Variants in OSBPL2 observed in about 807,000 individuals in gnomAD.
OSBPL2 encodes oxysterol binding protein like 2.
In OSBPL2, 18 loss-of-function variants were observed where a neutral mutation model predicts 58.4. That is an observed-to-expected ratio of 0.31 (90% CI 0.21 to 0.46). The LOEUF (loss-of-function observed/expected upper bound fraction) is 0.46, where lower values mean the gene tolerates loss of function less well. Among genes scored for constraint, OSBPL2 ranks in the 20% least tolerant of loss-of-function variants. The probability of loss-of-function intolerance (pLI) is 1.00; values close to 1 mark genes in which losing one functional copy is unlikely to be tolerated. For synonymous variants in OSBPL2, 221 were observed against 234.1 expected, an observed-to-expected ratio of 0.94 and a Z score of 0.51; for missense variants, 461 against 616.5, an observed-to-expected ratio of 0.75 and a Z score of 2.67.
chr20:62,263,699 C>G lies in OSBPL2; in HGVS notation c.258+8C>G. The G allele has an allele frequency of 2.5e-6, 4 of 1,612,592 alleles. No homozygotes were observed. The highest frequency in any genetic ancestry group is 3.4e-6 in the Non-Finnish European group (4 of 1,178,700). On this transcript the variant is annotated splice_region_variant and intron_variant, in intron 4 of 13. Transcript: ENST00000313733. ...AAGAAGTGTGTTGGCCTGGTGAGTC[C>G]GGGGGCCCGTGTTCACACATGGGGC... is the stretch of plus-strand genomic sequence containing the variant.
intron 7 of OSBPL2, 50 bp downstream of exon 7, chr20:62,279,389 T>C: frequency 6.4e-7 from 1 of 1,568,066 alleles, no homozygotes; most frequent in Non-Finnish European, 8.7e-7. Flanking sequence ...GAAACTGAAA[T>C]GGGTGCTGGT....
chr20:62,250,568 A>C (rs1716352056), intron 1 of OSBPL2, among the ~76,000 whole-genome samples: 1 of 152,106 alleles, frequency 6.6e-6, no homozygotes, highest in Non-Finnish European at 1.5e-5. Context: ...ATTTCCCATA[A>C]GCTGTGATTG....
At position 62,293,002 on chromosome 20, in the gene OSBPL2, G is replaced by T. The variant is rs192091223; in HGVS notation, c.1341-783G>T. ...TCCTGCCTCAGCCTCCTGAGTAGCTGGGACTACAGGTGCCTGCCACCACGC... is the reference window on the plus strand; with the variant it reads ...TCCTGCCTCAGCCTCCTGAGTAGCTTGGACTACAGGTGCCTGCCACCACGC... On this transcript the variant is annotated intron_variant, in intron 13 of 13. Coordinates refer to ENST00000313733, the MANE Select transcript of OSBPL2 (RefSeq NM_144498.4). 4.3e-3 allele frequency among the ~76,000 whole-genome samples: 649 copies of T among 151,516 alleles called. 1 individual carries two copies. Among genetic ancestry groups the T allele is most frequent in the Admixed American group, 7.0e-3 (106 of 15,236 alleles).
intron 1 of OSBPL2, among the ~76,000 whole-genome samples, chr20:62,248,145 CTTTTCTTTTCTTTT>C (rs1980263772): frequency 8.7e-6 from 1 of 115,232 alleles, no homozygotes; most frequent in African/African-American, 3.3e-5. Flanking sequence ...TTTCTTTTTT[CTTTTCTTTTCTTTT>C]TTTTTTTTTT....
chr20:62,274,443 C>T (rs779001735), intron 6 of OSBPL2, among the ~76,000 whole-genome samples: 9 of 152,196 alleles, frequency 5.9e-5, no homozygotes, highest in Non-Finnish European at 1.0e-4. Context: ...CCCCGTCATT[C>T]TCTTGTAGAT....
At chr20:62,289,027 G>A (rs530100776) in intron 11 of OSBPL2, among the ~76,000 whole-genome samples, 180 bp from the exon 12 acceptor site, 1 of 152,180 alleles carries the variant, frequency 6.6e-6, no homozygotes, top group Admixed American at 6.5e-5. Flanking sequence ...TGCATGATAC[G>A]TGCTTAGTGA....
In OSBPL2 at chr20:62,293,773, T is replaced by C. The variant is rs762801749; in HGVS notation, c.1341-12T>C. 6.2e-6 allele frequency: 10 copies of C among 1,612,452 alleles called. No homozygotes were observed. In the South Asian group the frequency reaches 9.9e-5, roughly 16 times the overall value. On this transcript the variant is annotated splice_polypyrimidine_tract_variant and intron_variant, in intron 13 of 13. Transcript: ENST00000313733. ...TGAGCATCTTCTGACCCCCCTCCCT[T>C]GTATCCGGCAGGTGGTTCTACCCAG... is the stretch of plus-strand genomic sequence containing the variant.
chr20:62,293,843 G>A lies in OSBPL2; in HGVS notation c.1399G>A (p.Asp467Asn). ...TGTPDWLYAGDYFERNFSDCP... is the reference protein window; with the variant it reads ...TGTPDWLYAGNYFERNFSDCP... Reference sequence around the variant, plus strand: ...GACCCCCGACTGGTTGTATGCAGGGGATTACTTTGAGCGGAATTTCTCCGA... The same window carrying A: ...GACCCCCGACTGGTTGTATGCAGGGAATTACTTTGAGCGGAATTTCTCCGA... The change falls in exon 14 of 14, where the codon GAT becomes AAT. Residue 467 changes from aspartate (D) to asparagine (N), a missense_variant. Coordinates refer to ENST00000313733, the MANE Select transcript of OSBPL2 (RefSeq NM_144498.4). The A allele has an allele frequency of 6.2e-7, 1 of 1,614,154 alleles. No homozygotes were observed. The highest frequency in any genetic ancestry group is 8.5e-7 in the Non-Finnish European group (1 of 1,180,024).
At chr20:62,286,023 C>T (rs1255120228) in intron 10 of OSBPL2, 1 of 158,148 alleles carries the variant, frequency 6.3e-6, no homozygotes, top group Admixed American at 6.4e-5. Context: ...TCTGGGTGTC[C>T]GTTAGAACAG....
intron 2 of OSBPL2, among the ~76,000 whole-genome samples, chr20:62,257,471 A>G (rs117494332): frequency 6.6e-6 from 1 of 152,192 alleles, no homozygotes; most frequent in East Asian, 1.9e-4. Flanking sequence ...TTTGCCTCGG[A>G]TGCACTCTCA....
chr20:62,281,217 G>T, intron 8 of OSBPL2, 52 bp downstream of exon 8: 1 of 1,342,410 alleles, frequency 7.4e-7, no homozygotes, highest in South Asian at 1.2e-5. Context: ...GTGGGGATGG[G>T]CGAGCCGGGG....
rs193026933 is a variant in OSBPL2 at position 62,264,332 on chromosome 20, A to C, written c.258+641A>C. Among the ~76,000 whole-genome samples the C allele has an allele frequency of 3.1e-4, 47 of 152,050 alleles. 1 individual carries two copies. The highest frequency in any genetic ancestry group is 1.0e-3 in the African/African-American group (42 of 41,474). On this transcript the variant is annotated intron_variant, in intron 4 of 13. Coordinates refer to ENST00000313733, the MANE Select transcript of OSBPL2 (RefSeq NM_144498.4). Reference sequence around the variant, plus strand: ...GGTGCTCAGGGTTTGGGACAGAAAAACCAGCTGGGAATGAGCACCCAGAAG... The same window carrying C: ...GGTGCTCAGGGTTTGGGACAGAAAACCCAGCTGGGAATGAGCACCCAGAAG...
intron 4 of OSBPL2, among the ~76,000 whole-genome samples, chr20:62,265,861 G>A (rs1180850204): frequency 1.3e-5 from 2 of 152,332 alleles, no homozygotes; most frequent in Middle Eastern, 3.4e-3. Flanking sequence ...GGGTGTGGTA[G>A]TAGCTCATGC....
At chr20:62,239,931 C>T (rs888988671) in intron 1 of OSBPL2, among the ~76,000 whole-genome samples, 2 of 152,182 alleles carry the variant, frequency 1.3e-5, no homozygotes, top group Non-Finnish European at 2.9e-5. Context: ...TGACTCACTG[C>T]CACCTCCGTC....
chr20:62,246,409 C>G (rs909591642), intron 1 of OSBPL2, among the ~76,000 whole-genome samples: 1 of 152,232 alleles, frequency 6.6e-6, no homozygotes, highest in Non-Finnish European at 1.5e-5. Context: ...AAGCTCAGCT[C>G]TGAAGCTGTG....
chr20:62,261,062 A>G (rs539662319), intron 3 of OSBPL2, among the ~76,000 whole-genome samples: 1 of 152,288 alleles, frequency 6.6e-6, no homozygotes, highest in South Asian at 2.1e-4. Flanking sequence ...TCATGCCTAT[A>G]ATCCCAGTCC....
At chr20:62,283,441 A>G (rs557022034) in intron 9 of OSBPL2, among the ~76,000 whole-genome samples, 1 of 152,336 alleles carries the variant, frequency 6.6e-6, no homozygotes, top group Admixed American at 6.5e-5. Flanking sequence ...AAGGAGAAAG[A>G]AAATGGAGTC....
At chr20:62,277,913 G>A (rs942792741) in intron 6 of OSBPL2, among the ~76,000 whole-genome samples, 4 of 152,116 alleles carry the variant, frequency 2.6e-5, no homozygotes, top group Non-Finnish European at 5.9e-5. Flanking sequence ...ATTCCATCTC[G>A]GAAATTTCAG....
intron 5 of OSBPL2, among the ~76,000 whole-genome samples, chr20:62,272,534 G>C (rs1982129284): frequency 1.3e-5 from 2 of 152,228 alleles, no homozygotes; most frequent in Non-Finnish European, 2.9e-5. Flanking sequence ...GCTGAAGGTG[G>C]CGGTGGGCTC....
Sources: allele counts gnomAD v4.1 joint callset (sites outside exome capture counted in the v4.1 genomes callset), GRCh38; gene constraint gnomAD v4.1.1; transcripts MANE v1.5; gene names NCBI Gene and HGNC (gene_info 2026-07-23, HGNC 2026-07-21).